SPAG16: variants seen among roughly 807,000 people sequenced by gnomAD.
The protein encoded by SPAG16 is sperm-associated antigen 16 protein.
Under a neutral mutation model 80.4 loss-of-function variants are expected in SPAG16, and 86 were observed. That is an observed-to-expected ratio of 1.07 (90% CI 0.90 to 1.28). The LOEUF is 1.28. Among genes scored for constraint, SPAG16 ranks in the 50% most tolerant of loss-of-function variants. The pLI, the probability that SPAG16 is intolerant of heterozygous loss-of-function variation, is 0.00. For missense variants in SPAG16, 870 were observed against 765.3 expected, an observed-to-expected ratio of 1.14 and a Z score of -1.61; for synonymous variants, 294 against 265.9, an observed-to-expected ratio of 1.11 and a Z score of -1.03.
intron 12 of SPAG16, among the ~76,000 whole-genome samples, chr2:214,003,844 A>G (rs1426754964): frequency 6.6e-6 from 1 of 152,224 alleles, no homozygotes; most frequent in Non-Finnish European, 1.5e-5. Context: ...GTTCTCTCTA[A>G]GACACATCAC....
At chr2:213,370,539 T>G (rs886719815) in intron 8 of SPAG16, among the ~76,000 whole-genome samples, 1 of 151,712 alleles carries the variant, frequency 6.6e-6, no homozygotes, top group African/African-American at 2.4e-5. Context: ...TCATGAACTG[T>G]AACTCCAAAA....
At chr2:213,455,760 C>CA (rs2071967669) in intron 9 of SPAG16, among the ~76,000 whole-genome samples, 1 of 152,172 alleles carries the variant, frequency 6.6e-6, no homozygotes, top group Non-Finnish European at 1.5e-5. Flanking sequence ...AGTCAAAGCT[C>CA]AAGTGGTAAT....
chr2:213,549,004 A>C (rs1055439185), intron 10 of SPAG16, among the ~76,000 whole-genome samples: 1 of 151,942 alleles, frequency 6.6e-6, no homozygotes, highest in Admixed American at 6.6e-5. Flanking sequence ...TGTTCCAATA[A>C]AACTTTTATA....
At chr2:213,832,122 T>C (rs896090210) in intron 10 of SPAG16, among the ~76,000 whole-genome samples, 2 of 151,968 alleles carry the variant, frequency 1.3e-5, no homozygotes, top group African/African-American at 2.4e-5. Flanking sequence ...CTCAGCCTCG[T>C]GAGTAGCTGG....
intron 10 of SPAG16, among the ~76,000 whole-genome samples, chr2:213,591,970 G>A (rs2060708506): frequency 6.6e-6 from 1 of 152,202 alleles, no homozygotes; most frequent in Admixed American, 6.5e-5. Flanking sequence ...GTCAAAGCCT[G>A]GTTGAGCAAA....
intron 10 of SPAG16, among the ~76,000 whole-genome samples, chr2:213,854,966 G>A (rs1298649642): frequency 6.6e-6 from 1 of 152,218 alleles, no homozygotes; most frequent in Non-Finnish European, 1.5e-5. Context: ...CAAGAGCAGA[G>A]CTGAAAAGTT....
At chr2:213,796,431 G>A (rs974486597) in intron 10 of SPAG16, among the ~76,000 whole-genome samples, 7 of 151,982 alleles carry the variant, frequency 4.6e-5, no homozygotes, top group South Asian at 4.2e-4. Flanking sequence ...TGAGCATAAC[G>A]TCTTCAAAGT....
intron 15 of SPAG16, among the ~76,000 whole-genome samples, chr2:214,348,938 GGC>G (rs1286617474): frequency 1.3e-5 from 2 of 151,930 alleles, no homozygotes; most frequent in African/African-American, 4.8e-5. Context: ...TATACATTCT[GGC>G]TATAAGAATA....
chr2:214,037,602 A>G (rs1429084922), intron 13 of SPAG16, among the ~76,000 whole-genome samples: 1 of 152,040 alleles, frequency 6.6e-6, no homozygotes, highest in Admixed American at 6.6e-5. Context: ...TCTTATATCA[A>G]TTCTGATATA....
intron 15 of SPAG16, among the ~76,000 whole-genome samples, chr2:214,286,930 C>T (rs1693409913): frequency 6.6e-6 from 1 of 152,148 alleles, no homozygotes; most frequent in African/African-American, 2.4e-5. Flanking sequence ...TGAATTGTAA[C>T]TGCCATGAAA....
At chr2:214,013,114 T>G (rs1314056680) in intron 12 of SPAG16, among the ~76,000 whole-genome samples, 1 of 151,812 alleles carries the variant, frequency 6.6e-6, no homozygotes, top group Non-Finnish European at 1.5e-5. Flanking sequence ...ACTAATTAAT[T>G]CCCAGGCTCC....
intron 15 of SPAG16, among the ~76,000 whole-genome samples, chr2:214,175,068 A>C (rs1203540304): frequency 6.6e-6 from 1 of 151,406 alleles, no homozygotes; most frequent in Non-Finnish European, 1.5e-5. Context: ...TTTATCAGCT[A>C]TAATTCTTGG....
Position 213,350,563 on chromosome 2 carries a change from T to G in SPAG16, c.680T>G (p.Ile227Arg), listed in dbSNP as rs2065271021. The change falls in exon 7 of 16, where the codon ATA becomes AGA. Residue 227 changes from isoleucine (I) to arginine (R), a missense_variant. Coordinates refer to ENST00000331683, the MANE Select transcript of SPAG16 (RefSeq NM_024532.5). ...KLHYASYEPT[I>R]RVLHEKHHTL... Reference sequence around the variant, plus strand: ...CATTATGCATCTTATGAACCGACTATAAGGGTGTTACATGAGAAACACCAC... The same window carrying G: ...CATTATGCATCTTATGAACCGACTAGAAGGGTGTTACATGAGAAACACCAC... 1.3e-6 allele frequency: 2 copies of G among 1,595,858 alleles called. No homozygotes were observed. The highest frequency in any genetic ancestry group is 2.7e-5 in the African/African-American group (2 of 73,884).
intron 1 of SPAG16, among the ~76,000 whole-genome samples, chr2:213,293,695 C>A (rs979829751): frequency 1.3e-5 from 2 of 152,124 alleles, no homozygotes; most frequent in African/African-American, 4.8e-5. Context: ...ATGAGAGACC[C>A]CCAAGTCAGA....
chr2:213,869,280 T>TATATATACAA (rs869276304), intron 11 of SPAG16, among the ~76,000 whole-genome samples: 1 of 112,478 alleles, frequency 8.9e-6, no homozygotes, highest in South Asian at 3.4e-4. Context: ...TATATATATA[T>TATATATACAA]GTATATATAT....
At chr2:213,384,039 T>A (rs1476385637) in intron 9 of SPAG16, among the ~76,000 whole-genome samples, 2 of 152,202 alleles carry the variant, frequency 1.3e-5, no homozygotes, top group Non-Finnish European at 2.9e-5. Flanking sequence ...GTAGAACAGT[T>A]GCAATTTAGG....
Position 214,280,909 on chromosome 2 carries a change from C to T in SPAG16, c.1721-129231C>T, listed in dbSNP as rs936988857. The T allele has an allele frequency of 5.1e-5, 22 of 430,336 alleles. 1 individual carries two copies. The highest frequency in any genetic ancestry group is 1.7e-3 in the Middle Eastern group (2 of 1,202). 26.7% of individuals were successfully genotyped at this position (430,336 alleles called of 1,614,324 possible). A position where few individuals can be genotyped will look rare whatever the true frequency, so the allele number is the denominator to read the frequency against. On this transcript the variant is annotated intron_variant, in intron 15 of 15. Transcript: ENST00000331683. Reference sequence around the variant, plus strand: ...TCTACTTAGTAGCACATGTAATCTGCGACATTCTGGCTGATAATGTGCTTC... The same window carrying T: ...TCTACTTAGTAGCACATGTAATCTGTGACATTCTGGCTGATAATGTGCTTC...
chr2:213,849,295 C>A (rs2074785298), intron 10 of SPAG16, among the ~76,000 whole-genome samples: 1 of 152,084 alleles, frequency 6.6e-6, no homozygotes, highest in Non-Finnish European at 1.5e-5. Context: ...AATGGCACCA[C>A]GACATCCATG....
At chr2:213,512,261 C>T (rs2075258328) in intron 10 of SPAG16, among the ~76,000 whole-genome samples, 1 of 152,090 alleles carries the variant, frequency 6.6e-6, no homozygotes, top group South Asian at 2.1e-4. Context: ...GTGGAGTATA[C>T]ATTTACTGAT....
Sources: gnomAD v4.1 joint callset for allele counts (sites outside exome capture counted in the v4.1 genomes callset) on GRCh38, gnomAD v4.1.1 for gene constraint, MANE v1.5 for transcripts, NCBI Gene and HGNC (gene_info 2026-07-23, HGNC 2026-07-21) for gene names.